AGAP3: variants seen among roughly 807,000 people sequenced by gnomAD.
AGAP3 encodes the protein ArfGAP with GTPase domain, ankyrin repeat and PH domain 3.
A neutral mutation model predicts 96.9 loss-of-function variants in AGAP3; 24 were observed. The ratio of observed to expected loss-of-function variants is 0.25; its 90% CI spans 0.18 to 0.35. AGAP3 has a LOEUF of 0.35. AGAP3 is among the 10% of genes least tolerant of loss of function. The pLI is 1.00. For missense variants in AGAP3, 876 were observed against 1,254.2 expected (o/e 0.70, Z 4.55); for synonymous variants, 563 against 536.1 (o/e 1.05, Z -0.69).
chr7:151,120,613 T>C (rs1563484459), intron 8 of AGAP3: 1 of 1,294,256 alleles, frequency 7.7e-7, no homozygotes, highest in East Asian at 5.5e-5. Context: ...CCCCGTCGCC[T>C]TCCGGCTCTT....
rs771047208 is a variant in AGAP3, at chr7:151,139,705, C to T, written c.1667-274C>T. ...GAGTTCCCTGGGCTGCCTTCCACCC[C>T]TCCAGGCTGCAGAGGCAGCTTCCTC... On this transcript the variant is annotated intron_variant, in intron 12 of 17. Transcript: ENST00000397238. The surrounding 1 kb of genome is among the most constrained non-coding windows in gnomAD (Gnocchi z 4.9). The T allele has an allele frequency of 1.0e-5, 3 of 300,874 alleles. No individual in the cohort carries two copies. Among genetic ancestry groups the T allele is most frequent in the Non-Finnish European group, 1.8e-5 (3 of 164,004 alleles). 18.6% of individuals were successfully genotyped at this position (300,874 alleles called of 1,614,324 possible).
intron 1 of AGAP3, among the ~76,000 whole-genome samples, chr7:151,109,281 T>G (rs1432217382): frequency 6.6e-6 from 1 of 152,188 alleles, no homozygotes; most frequent in Non-Finnish European, 1.5e-5. Flanking sequence ...GAGGATTGCT[T>G]GAGCTTAGGA....
At chr7:151,123,648 A>C (rs902881067) in intron 8 of AGAP3, 146 bp from the exon 9 acceptor site, 2 of 1,495,408 alleles carry the variant, frequency 1.3e-6, no homozygotes, top group African/African-American at 2.8e-5. Context: ...TCGTGGTCTC[A>C]GTTCCTTCCC....
chr7:151,099,139 C>T (rs1054503478), intron 1 of AGAP3, among the ~76,000 whole-genome samples: 3 of 151,754 alleles, frequency 2.0e-5, no homozygotes, highest in South Asian at 2.1e-4. Flanking sequence ...GTCAGGAGAT[C>T]GAGACCATCC....
intron 1 of AGAP3, among the ~76,000 whole-genome samples, chr7:151,089,374 C>T (rs981185137): frequency 7.9e-5 from 12 of 152,084 alleles, no homozygotes; most frequent in Non-Finnish European, 2.9e-5. Context: ...AGCCCCAGGG[C>T]GGAACAGACC....
chr7:151,116,668 C>T (rs73169605), intron 1 of AGAP3, 125 bp from the exon 2 acceptor site: 29,020 of 1,042,328 alleles, frequency 0.028, 600 homozygotes, highest in Non-Finnish European at 0.033. Flanking sequence ...TTGGGGGTCC[C>T]GTGGAGGAAG....
chr7:151,115,048 G>T, intron 1 of AGAP3: 1 of 1,007,890 alleles, frequency 9.9e-7, no homozygotes, highest in South Asian at 4.0e-5. Flanking sequence ...GCGCCCTCGG[G>T]ACCGCCCGTC....
intron 1 of AGAP3, chr7:151,087,301 G>C: frequency 1.8e-6 from 1 of 570,854 alleles, no homozygotes; most frequent in Non-Finnish European, 3.1e-6. Context: ...TGTGTTCCAG[G>C]GCGCGAAGGT....
intron 1 of AGAP3, among the ~76,000 whole-genome samples, chr7:151,095,122 G>C (rs952966295): frequency 6.6e-5 from 10 of 152,198 alleles, no homozygotes; most frequent in Non-Finnish European, 7.3e-5. Context: ...TGATGCTCCT[G>C]CCTCCACCTC....
At chr7:151,137,091 C>T (rs1800622991) in intron 11 of AGAP3, among the ~76,000 whole-genome samples, 1 of 152,260 alleles carries the variant, frequency 6.6e-6, no homozygotes, top group African/African-American at 2.4e-5. Flanking sequence ...CTCCCAGCAG[C>T]AGAGCTGTGG....
intron 11 of AGAP3, 123 bp from the exon 12 acceptor site, chr7:151,138,020 G>T: frequency 1.2e-6 from 1 of 801,184 alleles, no homozygotes; most frequent in Non-Finnish European, 2.0e-6. Context: ...CCCGCCACCT[G>T]ATGAACCCAG....
At chr7:151,123,357 C>T (rs991617872) in intron 8 of AGAP3, 4 of 1,045,788 alleles carry the variant, frequency 3.8e-6, no homozygotes, top group Non-Finnish European at 4.6e-6. Flanking sequence ...TGGGCCACGC[C>T]GACGCGCTCG....
intron 1 of AGAP3, among the ~76,000 whole-genome samples, chr7:151,106,632 C>G (rs1180482037): frequency 6.6e-6 from 1 of 152,118 alleles, no homozygotes; most frequent in Admixed American, 6.5e-5. Context: ...CACGTACCAC[C>G]ACACCCAGCT....
At position 151,118,235 on chromosome 7, in the gene AGAP3, G is replaced by T; in HGVS notation, c.732G>T (p.Arg244=). Residue 244 remains arginine, a synonymous_variant, in exon 6 of 18, where the codon CGG becomes CGT. Transcript: ENST00000397238. The surrounding 1 kb of genome is among the most constrained non-coding windows in gnomAD (Gnocchi z 6.1). ...TQDAISAANP[R]VIDDSRARKL... ...ATGCCATCAGCGCTGCGAATCCCCG[G>T]GTTATCGACGACAGCAGAGCCCGCA... is the stretch of plus-strand genomic sequence containing the variant. 6.2e-7 allele frequency: 1 copy of T among 1,612,026 alleles called. No homozygotes were observed. The highest frequency in any genetic ancestry group is 1.3e-5 in the African/African-American group (1 of 74,988).
chr7:151,124,430 C>G lies in AGAP3; in HGVS notation c.1221+544C>G, dbSNP rs575789062. On this transcript the variant is annotated intron_variant, in intron 9 of 17. Transcript: ENST00000397238. ...TCCGGTCTTGGATTCCTGCAGTGGACACGGCATTGCCCCACGGAGGGCGTC... is the reference window on the plus strand; with the variant it reads ...TCCGGTCTTGGATTCCTGCAGTGGAGACGGCATTGCCCCACGGAGGGCGTC... Among the ~76,000 whole-genome samples the G allele has an allele frequency of 5.4e-4, 83 of 152,382 alleles. 1 individual carries two copies. Among genetic ancestry groups the G allele is most frequent in the Non-Finnish European group, 1.0e-3 (71 of 68,046 alleles).
rs529000805 is a variant in AGAP3 at position 151,141,956 on chromosome 7, C to T, written c.1863C>T (p.Phe621=). The T allele has an allele frequency of 3.1e-5, 50 of 1,609,884 alleles. No homozygotes were observed. The South Asian group carries it at 3.2e-4, about 10-fold the overall frequency. Reference sequence around the variant, plus strand: ...CCCTCACTGGGCAGACGTGGCACTTCGAGGCTTCAACGGCGGAGGAGCGGG... The same window carrying T: ...CCCTCACTGGGCAGACGTGGCACTTTGAGGCTTCAACGGCGGAGGAGCGGG... ...VVSLTGQTWH[F]EASTAEEREL... is the part of the protein sequence containing the mutation. Residue 621 remains phenylalanine, a synonymous_variant, in exon 14 of 18, where the codon TTC becomes TTT. Coordinates refer to ENST00000397238, the MANE Select transcript of AGAP3 (RefSeq NM_031946.7). The surrounding 1 kb of genome is among the most constrained non-coding windows in gnomAD (Gnocchi z 4.2).
chr7:151,140,787 C>T lies in AGAP3; in HGVS notation c.1804+671C>T, dbSNP rs889707279. 4 of 152,200 alleles carry T rather than the reference C, an allele frequency of 2.6e-5. No homozygotes were observed. Among genetic ancestry groups the T allele is most frequent in the Admixed American group, 6.5e-5 (1 of 15,268 alleles). The allele number at this position is 152,200 out of a possible 1,614,324, so 9.4% of individuals were successfully genotyped here. A position where few individuals can be genotyped will look rare whatever the true frequency, so the allele number is the denominator to read the frequency against. ...GTGACACAGTGATGCTTAGTACTTA[C>T]AGCGTGGGGTCTCCCTTCTGGTCCG... On this transcript the variant is annotated intron_variant, in intron 13 of 17. Transcript: ENST00000397238. The surrounding 1 kb of genome is among the most constrained non-coding windows in gnomAD (Gnocchi z 5.4).
At chr7:151,092,348 C>T (rs1798432909) in intron 1 of AGAP3, among the ~76,000 whole-genome samples, 2 of 152,220 alleles carry the variant, frequency 1.3e-5, no homozygotes, top group Admixed American at 1.3e-4. Context: ...GTGGCATTGC[C>T]TAAACATCCA....
intron 9 of AGAP3, among the ~76,000 whole-genome samples, chr7:151,126,042 G>C (rs1585092475): frequency 1.1e-5 from 1 of 95,212 alleles, no homozygotes; most frequent in East Asian, 3.5e-4. Flanking sequence ...TCCGCTTCCC[G>C]GGAGCGGGCG....
Sources: allele counts gnomAD v4.1 joint callset (sites outside exome capture counted in the v4.1 genomes callset), GRCh38; gene constraint gnomAD v4.1.1; non-coding constraint Gnocchi (gnomAD v3.1); transcripts MANE v1.5; gene names NCBI Gene and HGNC (gene_info 2026-07-23, HGNC 2026-07-21).